SMG7: variants seen among roughly 807,000 people sequenced by gnomAD.
SMG7 encodes the protein SMG7 nonsense mediated mRNA decay factor.
In SMG7, 34 loss-of-function variants were observed where a neutral mutation model predicts 148.2. That is an observed-to-expected ratio of 0.23 (90% confidence interval 0.17 to 0.31). The LOEUF is 0.31. Ranked by LOEUF, SMG7 falls within the 10% of genes least tolerant of loss-of-function variation. SMG7 has a pLI of 1.00. For synonymous variants in SMG7, 492 were observed against 515.1 expected, an observed-to-expected ratio of 0.96 and a Z score of 0.61; for missense variants, 1,114 against 1,408.4, an observed-to-expected ratio of 0.79 and a Z score of 3.35.
Position 183,553,608 on chromosome 1 carries a change from G to GC in SMG7, c.*1685dup, listed in dbSNP as rs3832026. ...TTGCTCTTCAGAGAGAGTGGTTGGA[G>GC]CCCCCCCCGCCCCGTATGCTTACAT... On this transcript the variant is annotated 3_prime_UTR_variant, in exon 23 of 23. Coordinates refer to ENST00000688051, the MANE Select transcript of SMG7 (RefSeq NM_001375584.1). 0.022 allele frequency: 2,824 copies of GC among 127,780 alleles called. 143 individuals carry two copies. Among genetic ancestry groups the GC allele is most frequent in the East Asian group, 0.1 (360 of 3,518 alleles). 7.9% of individuals were successfully genotyped at this position (127,780 alleles called of 1,614,324 possible).
intron 1 of SMG7, among the ~76,000 whole-genome samples, chr1:183,495,150 A>AAT (rs1005957663): frequency 2.0e-5 from 3 of 151,764 alleles, no homozygotes; most frequent in African/African-American, 7.3e-5. Flanking sequence ...CTTCTTAGGT[A>AAT]ATATATATAT....
intron 15 of SMG7, 84 bp from the exon 16 acceptor site, chr1:183,544,846 A>G: frequency 2.9e-6 from 4 of 1,382,574 alleles, no homozygotes; most frequent in Non-Finnish European, 4.0e-6. Context: ...GACTCCCTCT[A>G]CCTACCTGTT....
At chr1:183,538,325 C>G in intron 11 of SMG7, 55 bp from the exon 12 acceptor site, 4 of 1,218,816 alleles carry the variant, frequency 3.3e-6, no homozygotes, top group Non-Finnish European at 4.9e-6. Flanking sequence ...GAACAGTATT[C>G]CACCAAACAA....
chr1:183,533,420 G>A (rs1295200817), intron 9 of SMG7, 94 bp downstream of exon 9: 5 of 1,328,974 alleles, frequency 3.8e-6, no homozygotes, highest in Non-Finnish European at 5.2e-6. Flanking sequence ...ACATAAAAAA[G>A]CATAGTGTAT....
chr1:183,500,053 A>G (rs1450479109), intron 1 of SMG7, among the ~76,000 whole-genome samples: 1 of 152,212 alleles, frequency 6.6e-6, no homozygotes, highest in Non-Finnish European at 1.5e-5. Flanking sequence ...TGCTTTGGAA[A>G]GCATTGTTTT....
At chr1:183,535,724 T>A (rs1667644096) in intron 10 of SMG7, among the ~76,000 whole-genome samples, 1 of 152,172 alleles carries the variant, frequency 6.6e-6, no homozygotes, top group South Asian at 2.1e-4. Context: ...CATGGAATAG[T>A]GATTTTCCTT....
intron 8 of SMG7, among the ~76,000 whole-genome samples, chr1:183,532,050 T>C (rs1036614652): frequency 1.3e-5 from 2 of 152,182 alleles, no homozygotes; most frequent in African/African-American, 4.8e-5. Context: ...AGAGTTCATG[T>C]AGAATGGAAT....
chr1:183,523,565 G>A (rs554836985), intron 4 of SMG7, among the ~76,000 whole-genome samples: 2 of 152,178 alleles, frequency 1.3e-5, no homozygotes, highest in African/African-American at 4.8e-5. Flanking sequence ...TGTACATCAG[G>A]GTCAACCTAT....
chr1:183,529,181 G>A, intron 7 of SMG7, 139 bp downstream of exon 7: 6 of 975,296 alleles, frequency 6.2e-6, no homozygotes, highest in East Asian at 2.5e-5. Flanking sequence ...CATAATTTGT[G>A]TATAGTCACT....
intron 1 of SMG7, among the ~76,000 whole-genome samples, chr1:183,495,773 C>T (rs1658331847): frequency 6.6e-6 from 1 of 151,636 alleles, no homozygotes; most frequent in Admixed American, 6.6e-5. Context: ...GAGGCTAAGA[C>T]AAGAGAATCG....
At chr1:183,549,092 T>C in intron 18 of SMG7, 116 bp from the exon 19 acceptor site, 5 of 713,532 alleles carry the variant, frequency 7.0e-6, no homozygotes, top group Non-Finnish European at 1.2e-5. Flanking sequence ...GAGCCTCAAA[T>C]TGTACTCAGT....
intron 1 of SMG7, among the ~76,000 whole-genome samples, chr1:183,481,889 GGCCTTAAGTGATCCTCTT>G (rs1204215310): frequency 1.3e-5 from 2 of 150,992 alleles, no homozygotes; most frequent in African/African-American, 4.8e-5. Flanking sequence ...TTGAACTCCT[GGCCTTAAGTGATCCTCTT>G]GCCTCAAGTG....
chr1:183,473,102 T>C (rs780894608), intron 1 of SMG7: 26 of 178,614 alleles, frequency 1.5e-4, no homozygotes, highest in African/African-American at 1.9e-4. Context: ...ACCTGGGGTG[T>C]TGGGGCGGGG....
chr1:183,547,467 A>G (rs1405128866), intron 18 of SMG7, among the ~76,000 whole-genome samples: 1 of 152,192 alleles, frequency 6.6e-6, no homozygotes, highest in African/African-American at 2.4e-5. Flanking sequence ...ATGGAGACAT[A>G]CCTTGGTTTT....
chr1:183,487,938 A>G (rs1481831927), intron 1 of SMG7, among the ~76,000 whole-genome samples: 1 of 152,266 alleles, frequency 6.6e-6, no homozygotes, highest in Non-Finnish European at 1.5e-5. Context: ...AGTCATTGGT[A>G]TAAGGATTCC....
intron 10 of SMG7, among the ~76,000 whole-genome samples, chr1:183,535,499 CTG>C (rs1194591168): frequency 6.6e-6 from 1 of 152,140 alleles, no homozygotes; most frequent in African/African-American, 2.4e-5. Context: ...CACTTTAAAA[CTG>C]AAGATTTTTC....
chr1:183,512,736 A>G, intron 1 of SMG7, 101 bp from the exon 2 acceptor site: 1 of 1,064,890 alleles, frequency 9.4e-7, no homozygotes, highest in Non-Finnish European at 1.4e-6. Context: ...TCCTTATCGT[A>G]GTATATGATT....
In SMG7 at chr1:183,533,060, A is replaced by G. The variant is rs116336622; in HGVS notation, c.844-104A>G. On this transcript the variant is annotated intron_variant, in intron 8 of 22. Coordinates refer to ENST00000688051, the MANE Select transcript of SMG7 (RefSeq NM_001375584.1). ...GAACCATTTACTCATCTGTAATTCT[A>G]TTACACATGGTGGTTCTAAATGCAG... is the stretch of plus-strand genomic sequence containing the variant. The G allele has an allele frequency of 7.0e-3, 6,384 of 910,750 alleles. 46 individuals carry two copies. Among genetic ancestry groups the G allele is most frequent in the Non-Finnish European group, 8.8e-3 (5,180 of 586,076 alleles). 56.4% of individuals were successfully genotyped at this position (910,750 alleles called of 1,614,324 possible).
intron 10 of SMG7, among the ~76,000 whole-genome samples, chr1:183,534,800 G>C (rs138619665): frequency 0.013 from 1,937 of 152,106 alleles, 44 homozygotes; most frequent in African/African-American, 0.044. Context: ...CCAGGAAGCA[G>C]AGGTTGCGGT....
Sources: allele counts gnomAD v4.1 joint callset (sites outside exome capture counted in the v4.1 genomes callset), GRCh38; gene constraint gnomAD v4.1.1; transcripts MANE v1.5; gene names NCBI Gene and HGNC (gene_info 2026-07-23, HGNC 2026-07-21).